TNFRSF8: variants seen among roughly 807,000 people sequenced by gnomAD.
TNFRSF8 encodes the protein tumor necrosis factor receptor superfamily member 8.
Under a neutral mutation model 70.8 loss-of-function variants are expected in TNFRSF8, and 26 were observed. The observed-to-expected ratio is 0.37, with a 90% CI of 0.27 to 0.51. The LOEUF is 0.51. Ranked by LOEUF, TNFRSF8 falls within the 20% of genes least tolerant of loss-of-function variation. The probability of loss-of-function intolerance (pLI) is 0.94; values close to 1 mark genes in which losing one functional copy is unlikely to be tolerated. For synonymous variants in TNFRSF8, 356 were observed against 339.2 expected (o/e 1.05, Z -0.54); for missense variants, 720 against 807.9 (o/e 0.89, Z 1.32).
chr1:12,098,364 AG>A (rs1641365715), intron 3 of TNFRSF8, among the ~76,000 whole-genome samples: 1 of 152,210 alleles, frequency 6.6e-6, no homozygotes, highest in Non-Finnish European at 1.5e-5. Flanking sequence ...TTAAAATTCA[AG>A]CAATACAAAG....
chr1:12,133,618 T>C (rs1642092193), intron 12 of TNFRSF8, among the ~76,000 whole-genome samples: 1 of 150,634 alleles, frequency 6.6e-6, no homozygotes, highest in Admixed American at 6.7e-5. Context: ...TGCGTGCCTG[T>C]AATCCCAGCT....
intron 1 of TNFRSF8, among the ~76,000 whole-genome samples, chr1:12,070,224 A>C (rs948942089): frequency 1.3e-5 from 2 of 151,914 alleles, no homozygotes; most frequent in Non-Finnish European, 2.9e-5. Context: ...GGGAGGGGTG[A>C]GCAGAGGTGG....
At chr1:12,076,054 G>C (rs1160321682) in intron 1 of TNFRSF8, among the ~76,000 whole-genome samples, 1 of 151,044 alleles carries the variant, frequency 6.6e-6, no homozygotes, top group Non-Finnish European at 1.5e-5. Flanking sequence ...GCTGCTGAAC[G>C]AAATTGGCCA....
Position 12,111,917 on chromosome 1 carries a change from A to G in TNFRSF8, c.696A>G (p.Pro232=), listed in dbSNP as rs746696142. The change falls in exon 7 of 15, where the codon CCA becomes CCG. Residue 232 remains proline (P), a synonymous_variant. Coordinates refer to ENST00000263932, the MANE Select transcript of TNFRSF8 (RefSeq NM_001243.5). ...CCCCAGGTCTGTCCCCAACACAGCCATGCCCAGAGGGGTCTGGTGATTGCA... is the reference window on the plus strand; with the variant it reads ...CCCCAGGTCTGTCCCCAACACAGCCGTGCCCAGAGGGGTCTGGTGATTGCA... The part of the protein sequence containing the change: ...SSDPGLSPTQ[P]CPEGSGDCRK... The G allele has an allele frequency of 9.9e-6, 16 of 1,614,088 alleles. No homozygotes were observed. Among genetic ancestry groups the G allele is most frequent in the African/African-American group, 8.0e-5 (6 of 74,950 alleles).
intron 7 of TNFRSF8, among the ~76,000 whole-genome samples, chr1:12,114,747 C>T (rs1311046517): frequency 7.3e-5 from 8 of 109,148 alleles, no homozygotes; most frequent in East Asian, 5.7e-4. Flanking sequence ...CTTGTTCTGT[C>T]GCCCAGGCTG....
chr1:12,077,566 T>C (rs1043448200), intron 1 of TNFRSF8, among the ~76,000 whole-genome samples: 1 of 152,122 alleles, frequency 6.6e-6, no homozygotes, highest in Non-Finnish European at 1.5e-5. Flanking sequence ...ACAACCTTAG[T>C]GAGCAGGGAA....
chr1:12,126,318 A>G lies in TNFRSF8; in HGVS notation c.1309+82A>G, dbSNP rs553603450. 71 of 1,522,892 alleles carry G rather than the reference A, an allele frequency of 4.7e-5. No individual in the cohort carries two copies. In the African/African-American group the frequency reaches 8.9e-4, roughly 19 times the overall value. 94.3% of individuals were successfully genotyped at this position (1,522,892 alleles called of 1,614,324 possible). ...TGGGCCCGGGGCGTGGGCTCCAGAG[A>G]CTGAACTTCTACCCCAGCCTCGAAG... On this transcript the variant is annotated intron_variant, in intron 12 of 14. Coordinates refer to ENST00000263932, the MANE Select transcript of TNFRSF8 (RefSeq NM_001243.5).
At chr1:12,082,333 C>T (rs1179478455) in intron 1 of TNFRSF8, among the ~76,000 whole-genome samples, 2 of 151,940 alleles carry the variant, frequency 1.3e-5, no homozygotes, top group Non-Finnish European at 2.9e-5. Flanking sequence ...ATTACTTGAC[C>T]TCAGGAGTTT....
chr1:12,065,062 A>AG (rs1266296672), intron 1 of TNFRSF8, among the ~76,000 whole-genome samples: 3 of 147,760 alleles, frequency 2.0e-5, no homozygotes, highest in Non-Finnish European at 3.0e-5. Context: ...CTACAGCCTG[A>AG]ACTCTCATAC....
At chr1:12,078,300 A>C (rs1352916425) in intron 1 of TNFRSF8, among the ~76,000 whole-genome samples, 2 of 152,166 alleles carry the variant, frequency 1.3e-5, no homozygotes, top group Admixed American at 1.3e-4. Context: ...ATGGTGGCTC[A>C]TGCCTGTAAT....
At chr1:12,121,321 G>A (rs1018919509) in intron 8 of TNFRSF8, among the ~76,000 whole-genome samples, 4 of 152,094 alleles carry the variant, frequency 2.6e-5, no homozygotes, top group Non-Finnish European at 5.9e-5. Context: ...TTGTCTATTT[G>A]AGGAAAAATC....
chr1:12,138,967 G>A lies in TNFRSF8; in HGVS notation c.1543+531G>A, dbSNP rs565050575. ...TGCTGGGCCTTGAAGCCCGTGGTTT[G>A]TCCACGTTACCACCCACCCTCTGCA... is the stretch of plus-strand genomic sequence containing the variant. On this transcript the variant is annotated intron_variant, in intron 14 of 14. Coordinates refer to ENST00000263932, the MANE Select transcript of TNFRSF8 (RefSeq NM_001243.5). The surrounding 1 kb of genome is among the most constrained non-coding windows in gnomAD (Gnocchi z 5.7). Among the ~76,000 whole-genome samples the A allele has an allele frequency of 2.6e-5, 4 of 152,336 alleles. No individual in the cohort carries two copies. Among genetic ancestry groups the A allele is most frequent in the African/African-American group, 9.6e-5 (4 of 41,568 alleles).
At position 12,091,803 on chromosome 1, in the gene TNFRSF8, G is replaced by C. The variant is rs906534098; in HGVS notation, c.152-5298G>C. On this transcript the variant is annotated intron_variant, in intron 2 of 14. Coordinates refer to ENST00000263932, the MANE Select transcript of TNFRSF8 (RefSeq NM_001243.5). ...GTGGAAGATGATTCTTCCCATGAAG[G>C]GGGGTCAGGGATGGTTTTGAGATGA... Among the ~76,000 whole-genome samples the C allele has an allele frequency of 2.6e-5, 4 of 152,308 alleles. No individual in the cohort carries two copies. In the East Asian group the frequency reaches 7.7e-4, roughly 29 times the overall value.
chr1:12,096,939 G>C (rs1219555268), intron 2 of TNFRSF8, among the ~76,000 whole-genome samples, 162 bp from the exon 3 acceptor site: 7 of 152,220 alleles, frequency 4.6e-5, no homozygotes, highest in Non-Finnish European at 1.5e-5. Context: ...TGCCCCTCCT[G>C]GGTGTCAGTG....
chr1:12,140,543 G>A (rs1032266515), intron 14 of TNFRSF8, among the ~76,000 whole-genome samples: 1 of 152,194 alleles, frequency 6.6e-6, no homozygotes, highest in African/African-American at 2.4e-5. Flanking sequence ...CACAGCCTGG[G>A]GAGTAGGCAG....
chr1:12,086,964 A>C (rs1288738416), intron 2 of TNFRSF8, among the ~76,000 whole-genome samples: 2 of 151,802 alleles, frequency 1.3e-5, no homozygotes, highest in Non-Finnish European at 2.9e-5. Flanking sequence ...TGGGGGACAC[A>C]ATTCAGTCCA....
chr1:12,129,551 C>T (rs1384339034), intron 12 of TNFRSF8, among the ~76,000 whole-genome samples: 2 of 152,192 alleles, frequency 1.3e-5, no homozygotes, highest in Non-Finnish European at 2.9e-5. Flanking sequence ...CTGTCCGGAT[C>T]CGTTCCCCAG....
rs1455128739 is a variant in TNFRSF8 at position 12,126,218 on chromosome 1, C to A, written c.1291C>A (p.Pro431Thr). ...GTGCTACCCGGTCCAGACCTCCCAG[C>A]CCAAGCTAGAGCTTGTGGGTGAGTG... ...HLCYPVQTSQ[P>T]KLELVDSRPR... The change falls in exon 12 of 15, where the codon CCC becomes ACC. Residue 431 changes from proline to threonine, a missense_variant. Coordinates refer to ENST00000263932, the MANE Select transcript of TNFRSF8 (RefSeq NM_001243.5). 4 of 1,614,058 alleles carry A rather than the reference C, an allele frequency of 2.5e-6. No individual in the cohort carries two copies. In the African/African-American group the frequency reaches 5.3e-5, roughly 22 times the overall value.
At chr1:12,116,209 G>A (rs979075418) in intron 8 of TNFRSF8, among the ~76,000 whole-genome samples, 3 of 151,896 alleles carry the variant, frequency 2.0e-5, no homozygotes, top group Non-Finnish European at 4.4e-5. Flanking sequence ...TCGAACTCCC[G>A]ACCTCAGGTG....
Sources: allele counts gnomAD v4.1 joint callset (sites outside exome capture counted in the v4.1 genomes callset), GRCh38; gene constraint gnomAD v4.1.1; non-coding constraint Gnocchi (gnomAD v3.1); transcripts MANE v1.5; gene names NCBI Gene and HGNC (gene_info 2026-07-23, HGNC 2026-07-21).